The following ADGRG2 variants were observed in gnomAD, a reference collection of about 807,000 sequenced individuals.
ADGRG2 encodes the protein G protein-coupled receptor 64.
A neutral mutation model predicts 74.1 loss-of-function variants in ADGRG2; 26 were observed. That is an observed-to-expected ratio of 0.35 (90% CI 0.26 to 0.49). The LOEUF is 0.49. Among genes scored for constraint, ADGRG2 ranks in the 20% least tolerant of loss-of-function variants. The pLI is 0.99. For synonymous variants in ADGRG2, 296 were observed against 295.2 expected (o/e 1.00, Z -0.03); for missense variants, 619 against 763.1 (o/e 0.81, Z 2.22).
Position 19,110,452 on chromosome X carries a change from G to T in ADGRG2, c.-47+11990C>A, listed in dbSNP as rs777212103. 2.4e-3 allele frequency among the ~76,000 whole-genome samples: 266 copies of T among 110,788 alleles called. 3 individuals carry two copies. The highest frequency in any genetic ancestry group is 8.1e-3 in the African/African-American group (248 of 30,504). ...AATCCCAGCACTTTGGGAGGCTGAG[G>T]CGGGTGGATCCCTTGAGGCCAGGAG... On this transcript the variant is annotated intron_variant, in intron 1 of 28. Transcript: ENST00000379869.
At chrX:19,052,714 G>A (rs2061344844) in intron 3 of ADGRG2, among the ~76,000 whole-genome samples, 1 of 106,586 alleles carries the variant, frequency 9.4e-6, no homozygotes, top group Admixed American at 1.0e-4. Context: ...TTCCAAGATG[G>A]AGTCTCATTC....
At position 19,017,830 on chromosome X, in the gene ADGRG2, T is replaced by C. The variant is rs929323454; in HGVS notation, c.710+1769A>G. 7.4e-5 allele frequency among the ~76,000 whole-genome samples: 8 copies of C among 108,510 alleles called. 1 individual carries two copies. The highest frequency in any genetic ancestry group is 1.7e-4 in the African/African-American group (5 of 29,675). The allele number at this position is 108,510 out of a possible 115,157, so 94.2% of individuals were successfully genotyped here. A position where few individuals can be genotyped will look rare whatever the true frequency, so the allele number is the denominator to read the frequency against. On this transcript the variant is annotated intron_variant, in intron 15 of 28. Coordinates refer to ENST00000379869, the MANE Select transcript of ADGRG2 (RefSeq NM_001079858.3). ...ATTTTTATCTGATTGTAGAAGAATA[T>C]AGAAAATGCTGCAAAGTAAGAAAGA...
chrX:19,002,828 A>C lies in ADGRG2; in HGVS notation c.2230+18T>G, dbSNP rs373884986. 49 of 1,192,777 alleles carry C rather than the reference A, an allele frequency of 4.1e-5. No individual in the cohort carries two copies. Among genetic ancestry groups the C allele is most frequent in the Non-Finnish European group, 5.6e-5 (49 of 882,086 alleles). ...GGCAGAGAAAGTCCAGGCAACATGC[A>C]GGCAAGCTTATACATACCCCAACCG... On this transcript the variant is annotated intron_variant, in intron 24 of 28. Transcript: ENST00000379869.
In ADGRG2 at chrX:19,102,950, G is replaced by A. The variant is rs777626778; in HGVS notation, c.-47+19492C>T. Among the ~76,000 whole-genome samples, 184 of 111,712 alleles carry A rather than the reference G, an allele frequency of 1.6e-3. 1 individual carries two copies. The highest frequency in any genetic ancestry group is 5.7e-3 in the African/African-American group (174 of 30,784). ...TGTTCTGGCAGCCCAAGTTGACTAA[G>A]AAAGTTACAGGGTAGTGTCAGAGGC... On this transcript the variant is annotated intron_variant, in intron 1 of 28. Coordinates refer to ENST00000379869, the MANE Select transcript of ADGRG2 (RefSeq NM_001079858.3).
chrX:18,994,392 C>T (rs1390562669), intron 28 of ADGRG2, among the ~76,000 whole-genome samples: 4 of 109,896 alleles, frequency 3.6e-5, no homozygotes, highest in Non-Finnish European at 5.7e-5. Context: ...TCCAGCTACT[C>T]GGGAGGCTGA....
intron 15 of ADGRG2, among the ~76,000 whole-genome samples, chrX:19,016,851 C>G (rs1028875529): frequency 1.8e-5 from 2 of 108,914 alleles, no homozygotes; most frequent in Admixed American, 9.9e-5. Context: ...CTCAGTCTCC[C>G]AAGCAGCTGG....
chrX:18,992,944 C>T (rs1444199070), intron 28 of ADGRG2, among the ~76,000 whole-genome samples: 4 of 111,863 alleles, frequency 3.6e-5, no homozygotes, highest in Non-Finnish European at 5.6e-5. Context: ...TGACCCTGCT[C>T]GCTCCTTTGA....
intron 17 of ADGRG2, 44 bp from the exon 18 acceptor site, chrX:19,009,826 T>C: frequency 2.9e-6 from 3 of 1,040,871 alleles, no homozygotes; most frequent in Non-Finnish European, 3.9e-6. Context: ...TATTTATTTA[T>C]TTTGAGACGG....
At chrX:19,033,426 CATT>C (rs1334110584) in intron 8 of ADGRG2, 184 bp downstream of exon 8, 2 of 340,583 alleles carry the variant, frequency 5.9e-6, no homozygotes, top group African/African-American at 5.5e-5. Flanking sequence ...TGTGTCTGAT[CATT>C]ATTATATAGC....
intron 2 of ADGRG2, among the ~76,000 whole-genome samples, chrX:19,076,468 C>T (rs1308272337): frequency 8.9e-6 from 1 of 111,888 alleles, no homozygotes; most frequent in African/African-American, 3.2e-5. Flanking sequence ...TCCAAATGAA[C>T]TTTTACTATA....
intron 1 of ADGRG2, among the ~76,000 whole-genome samples, chrX:19,084,870 C>T (rs1569135020): frequency 8.9e-6 from 1 of 112,333 alleles, no homozygotes; most frequent in African/African-American, 3.2e-5. Context: ...ATTTGTTTTT[C>T]CCAGTGGATG....
At chrX:19,091,522 AC>A (rs1465373546) in intron 1 of ADGRG2, among the ~76,000 whole-genome samples, 12 of 110,317 alleles carry the variant, frequency 1.1e-4, no homozygotes, top group African/African-American at 3.3e-4. Flanking sequence ...ACACACACAC[AC>A]ACACACACAC....
rs1016974879 is a variant in ADGRG2 at position 19,106,478 on chromosome X, T to C, written c.-47+15964A>G. ...CCACTCCTTTCTCCATGTCAGTATCTGGGATAGTGTGTGTTTGTGTGTGTG... is the reference window on the plus strand; with the variant it reads ...CCACTCCTTTCTCCATGTCAGTATCCGGGATAGTGTGTGTTTGTGTGTGTG... On this transcript the variant is annotated intron_variant, in intron 1 of 28. Coordinates refer to ENST00000379869, the MANE Select transcript of ADGRG2 (RefSeq NM_001079858.3). Among the ~76,000 whole-genome samples, 5 of 104,888 alleles carry C rather than the reference T, an allele frequency of 4.8e-5. No homozygotes were observed. The East Asian group carries it at 1.5e-3, about 31-fold the overall frequency. The allele number at this position is 104,888 out of a possible 115,157, so 91.1% of individuals were successfully genotyped here.
chrX:19,096,724 T>C (rs1274218574), intron 1 of ADGRG2, among the ~76,000 whole-genome samples: 1 of 111,912 alleles, frequency 8.9e-6, no homozygotes, highest in South Asian at 3.7e-4. Context: ...AGTGTTTAAT[T>C]GTAGCCTATC....
intron 1 of ADGRG2, among the ~76,000 whole-genome samples, chrX:19,107,826 C>A (rs771696975): frequency 9.2e-6 from 1 of 109,237 alleles, no homozygotes; most frequent in East Asian, 2.8e-4. Context: ...ATAGGCTGGG[C>A]GCGGTGGCTC....
chrX:19,121,299 A>G lies in ADGRG2; in HGVS notation c.-47+1143T>C, dbSNP rs186227369. 8.6e-4 allele frequency among the ~76,000 whole-genome samples: 96 copies of G among 111,572 alleles called. 1 individual carries two copies. Among genetic ancestry groups the G allele is most frequent in the Admixed American group, 7.2e-3 (76 of 10,503 alleles). ...TGTACCCCATTGGGGGGCTGGGGGT[A>G]ATCACTCTATTGTTCTCTCCCCGTG... On this transcript the variant is annotated intron_variant, in intron 1 of 28. Transcript: ENST00000379869.
At chrX:19,025,752 C>T (rs1250526163) in intron 11 of ADGRG2, among the ~76,000 whole-genome samples, 1 of 110,212 alleles carries the variant, frequency 9.1e-6, no homozygotes, top group Non-Finnish European at 1.9e-5. Flanking sequence ...AAAAATTAGC[C>T]AGGTGTGGTG....
intron 1 of ADGRG2, among the ~76,000 whole-genome samples, chrX:19,111,448 T>C (rs759364681): frequency 9.0e-6 from 1 of 110,802 alleles, no homozygotes; most frequent in Non-Finnish European, 1.9e-5. Context: ...AGACTTAGAA[T>C]GAGCTACCAG....
chrX:19,122,833 C>T (rs1456351692), upstream of ADGRG2, among the ~76,000 whole-genome samples: 1 of 111,719 alleles, frequency 9.0e-6, no homozygotes, highest in Non-Finnish European at 1.9e-5. Flanking sequence ...CTCAGATGCC[C>T]GGCGTCCAGC....
Sources: allele counts gnomAD v4.1 joint callset (sites outside exome capture counted in the v4.1 genomes callset), GRCh38; gene constraint gnomAD v4.1.1; transcripts MANE v1.5; gene names NCBI Gene and HGNC (gene_info 2026-07-23, HGNC 2026-07-21).